Variants in APC observed in about 807,000 individuals in gnomAD.
APC encodes the protein adenomatous polyposis coli protein.
A neutral mutation model predicts 247.0 loss-of-function variants in APC; 72 were observed. The ratio of observed to expected loss-of-function variants is 0.29; its 90% CI spans 0.24 to 0.35. The LOEUF (loss-of-function observed/expected upper bound fraction) is 0.35, where lower values mean the gene tolerates loss of function less well. APC is among the 10% of genes least tolerant of loss of function. The pLI is 1.00. For missense variants in APC, 3,400 were observed against 3,360.7 expected, an observed-to-expected ratio of 1.01 and a Z score of -0.29; for synonymous variants, 1,254 against 1,162.5, an observed-to-expected ratio of 1.08 and a Z score of -1.60.
At chr5:112,745,548 T>TTTATTATTATTA (rs139166227) in intron 1 of APC, among the ~76,000 whole-genome samples, 25 of 148,728 alleles carry the variant, frequency 1.7e-4, no homozygotes, top group Non-Finnish European at 2.2e-4. Context: ...TAATATTCAC[T>TTTATTATTATTA]TTATTATTAT....
rs192263900 is a variant in APC, at chr5:112,810,181, G to T, written c.835-5314G>T. On this transcript the variant is annotated intron_variant, in intron 8 of 15. Transcript: ENST00000257430. ...TGGGAAGGAGCCAGTAGAGAAGAGA[G>T]TTGAAGATCCCTAAGATCAAAGAGA... is the stretch of plus-strand genomic sequence containing the variant. The T allele has an allele frequency of 1.5e-5, 7 of 455,818 alleles. No individual in the cohort carries two copies. The East Asian group carries it at 4.9e-4, about 32-fold the overall frequency. The allele number at this position is 455,818 out of a possible 1,614,324, so 28.2% of individuals were successfully genotyped here. A position where few individuals can be genotyped will look rare whatever the true frequency, so the allele number is the denominator to read the frequency against.
chr5:112,823,139 G>C (rs1763309274), intron 11 of APC, among the ~76,000 whole-genome samples: 2 of 152,128 alleles, frequency 1.3e-5, no homozygotes, highest in Admixed American at 6.5e-5. Flanking sequence ...ACAGGAAGGG[G>C]ATAAAAAATA....
chr5:112,721,398 T>G (rs1356629425), intron 1 of APC, among the ~76,000 whole-genome samples: 1 of 152,002 alleles, frequency 6.6e-6, no homozygotes, highest in Non-Finnish European at 1.5e-5. Context: ...TTGGCAACAG[T>G]GAGATTCCAT....
chr5:112,836,379 G>A (rs1217385772), intron 15 of APC, among the ~76,000 whole-genome samples: 1 of 152,018 alleles, frequency 6.6e-6, no homozygotes, highest in Non-Finnish European at 1.5e-5. Context: ...AGTCTGTGAT[G>A]CAGAAACTAC....
intron 1 of APC, chr5:112,738,340 C>A (rs2149683645): frequency 1.0e-6 from 1 of 985,514 alleles, no homozygotes; most frequent in East Asian, 1.1e-4. Flanking sequence ...TTCTTTTCCT[C>A]CCTGGCGACA....
upstream of APC, among the ~76,000 whole-genome samples, chr5:112,734,613 A>G (rs761413920): frequency 6.6e-5 from 10 of 152,218 alleles, no homozygotes; most frequent in Non-Finnish European, 1.5e-4. Context: ...GATTAAGTTT[A>G]TCAGTAAAGC....
In APC at chr5:112,805,969, A is replaced by G. The variant is rs151224279; in HGVS notation, c.834+4586A>G. Among the ~76,000 whole-genome samples, 55 of 152,200 alleles carry G rather than the reference A, an allele frequency of 3.6e-4. No homozygotes were observed. The East Asian group carries it at 9.6e-3, about 27-fold the overall frequency. ...GACCCAGGTAACCTGGCCCCTACCT[A>G]TCTTGTCAGCTTTATGTCACATCTT... is the stretch of plus-strand genomic sequence containing the variant. On this transcript the variant is annotated intron_variant, in intron 8 of 15. Transcript: ENST00000257430.
chr5:112,710,241 G>A (rs971851677), intron 1 of APC, among the ~76,000 whole-genome samples: 1 of 152,180 alleles, frequency 6.6e-6, no homozygotes, highest in African/African-American at 2.4e-5. Flanking sequence ...TTTTATGCCA[G>A]TTGGTGCTCT....
upstream of APC, chr5:112,737,768 TA>T: frequency 1.1e-6 from 1 of 889,466 alleles, no homozygotes; most frequent in Non-Finnish European, 1.3e-6. Flanking sequence ...AGCAGCTGTG[TA>T]ATCCGCTGGA....
intron 1 of APC, among the ~76,000 whole-genome samples, chr5:112,741,646 G>A (rs1753039191): frequency 6.6e-6 from 1 of 152,002 alleles, no homozygotes; most frequent in South Asian, 2.1e-4. Context: ...ACCATCTTAA[G>A]CACTTTTAAT....
chr5:112,772,518 T>G (rs1757170615), intron 4 of APC, among the ~76,000 whole-genome samples: 1 of 115,656 alleles, frequency 8.6e-6, no homozygotes, highest in Admixed American at 8.1e-5. Flanking sequence ...GCCCAGCTCT[T>G]TTTTTTTTTT....
At chr5:112,776,238 T>C (rs1757633605) in intron 5 of APC, among the ~76,000 whole-genome samples, 2 of 152,234 alleles carry the variant, frequency 1.3e-5, no homozygotes, top group South Asian at 4.1e-4. Flanking sequence ...GTATTCACAA[T>C]AAATTAACAG....
chr5:112,724,684 C>T (rs1378597581), intron 1 of APC, among the ~76,000 whole-genome samples: 2 of 152,020 alleles, frequency 1.3e-5, no homozygotes, highest in African/African-American at 4.8e-5. Flanking sequence ...AAATTGGGTC[C>T]TGTAAAATGG....
chr5:112,709,846 A>T (rs1403265305), intron 1 of APC, among the ~76,000 whole-genome samples: 1 of 152,198 alleles, frequency 6.6e-6, no homozygotes, highest in Admixed American at 6.5e-5. Flanking sequence ...TGGAGGTTGC[A>T]GTGAGCCAAG....
At chr5:112,803,781 T>C (rs1241348570) in intron 8 of APC, among the ~76,000 whole-genome samples, 1 of 152,254 alleles carries the variant, frequency 6.6e-6, no homozygotes, top group Non-Finnish European at 1.5e-5. Context: ...TTAAAAATGA[T>C]AAATTACATC....
At chr5:112,815,243 TCA>T (rs1348372247) in intron 8 of APC, among the ~76,000 whole-genome samples, 2 of 152,226 alleles carry the variant, frequency 1.3e-5, no homozygotes, top group East Asian at 3.8e-4. Context: ...TAGAATTTCT[TCA>T]GTCTTTGGTT....
intron 8 of APC, among the ~76,000 whole-genome samples, chr5:112,808,873 A>G (rs894578550): frequency 6.6e-6 from 1 of 152,158 alleles, no homozygotes; most frequent in Non-Finnish European, 1.5e-5. Flanking sequence ...TAGGGATTGG[A>G]TATGAGTGTT....
At chr5:112,818,076 A>G (rs1762689073) in intron 9 of APC, among the ~76,000 whole-genome samples, 1 of 152,192 alleles carries the variant, frequency 6.6e-6, no homozygotes, top group Non-Finnish European at 1.5e-5. Flanking sequence ...CCCCTAAAAT[A>G]CCCATCCTAC....
At chr5:112,775,532 T>C (rs1467213366) in intron 4 of APC, 97 bp from the exon 5 acceptor site, 3 of 705,648 alleles carry the variant, frequency 4.3e-6, no homozygotes, top group Admixed American at 2.6e-5. Flanking sequence ...GCACTTTAGG[T>C]AGAGAAGTTT....
Sources: allele counts gnomAD v4.1 joint callset (sites outside exome capture counted in the v4.1 genomes callset), GRCh38; gene constraint gnomAD v4.1.1; transcripts MANE v1.5; gene names NCBI Gene and HGNC (gene_info 2026-07-23, HGNC 2026-07-21).